The following SEC23B variants were observed in gnomAD, a reference collection of about 807,000 sequenced individuals.
SEC23B encodes SEC23 homolog B, COPII component.
Under a neutral mutation model 104.3 loss-of-function variants are expected in SEC23B, and 77 were observed. The observed-to-expected ratio is 0.74, with a 90% CI of 0.61 to 0.89. The LOEUF is 0.89. Among genes scored for constraint, SEC23B ranks in the 40% least tolerant of loss-of-function variants. SEC23B has a pLI of 0.00. For synonymous variants in SEC23B, 338 were observed against 332.5 expected, an observed-to-expected ratio of 1.02 and a Z score of -0.18; for missense variants, 885 against 949.4, an observed-to-expected ratio of 0.93 and a Z score of 0.89.
intron 17 of SEC23B, 92 bp downstream of exon 17, chr20:18,551,267 G>C: frequency 1.4e-6 from 1 of 718,116 alleles, no homozygotes; most frequent in Non-Finnish European, 2.4e-6. Context: ...GAGAATTATT[G>C]TCCTTAACTA....
chr20:18,546,545 G>GAAGT (rs2060334145), intron 15 of SEC23B, among the ~76,000 whole-genome samples: 1 of 152,244 alleles, frequency 6.6e-6, no homozygotes, highest in Non-Finnish European at 1.5e-5. Context: ...AGGAGCAGGA[G>GAAGT]AAGTAGATGA....
At chr20:18,530,223 ATTTAT>A (rs1221007589) in intron 9 of SEC23B, among the ~76,000 whole-genome samples, 1 of 151,296 alleles carries the variant, frequency 6.6e-6, no homozygotes, top group African/African-American at 2.4e-5. Flanking sequence ...TATTTTTTTA[ATTTAT>A]TTTATTATTT....
In SEC23B at chr20:18,554,826, C is replaced by CAA. The variant is rs34982139; in HGVS notation, c.2149-267_2149-266dup. ...GGGGCTACAGAGTGAGACTCCGTCT[C>CAA]AAAAAAAAAAAAAAAATGAGTGGTC... On this transcript the variant is annotated intron_variant, in intron 18 of 19. Coordinates refer to ENST00000650089, the MANE Select transcript of SEC23B (RefSeq NM_006363.6). Among the ~76,000 whole-genome samples, 81,744 of 119,732 alleles carry CAA rather than the reference C, an allele frequency of 0.68. 27,785 individuals carry two copies. Among genetic ancestry groups the CAA allele is most frequent in the Non-Finnish European group, 0.78 (47,330 of 60,376 alleles). 78.5% of individuals were successfully genotyped at this position (119,732 alleles called of 152,430 possible).
chr20:18,526,072 T>C (rs1373532893), intron 7 of SEC23B, 140 bp downstream of exon 7: 2 of 1,076,422 alleles, frequency 1.9e-6, no homozygotes, highest in African/African-American at 1.5e-5. Context: ...GAGGCATCAT[T>C]ATCATTCACG....
chr20:18,555,278 C>A, intron 19 of SEC23B, 105 bp downstream of exon 19: 1 of 931,302 alleles, frequency 1.1e-6, no homozygotes, highest in Non-Finnish European at 1.7e-6. Flanking sequence ...GACAGAATAA[C>A]TGCGTAAGTT....
chr20:18,554,265 C>T lies in SEC23B; in HGVS notation c.2023C>T (p.Gln675Ter). Reference sequence around the variant, plus strand: ...AGCCCAGTGGCGTAAAGCTGGCTACCAGGACATGCCCGAGTATGAAAACTT... The same window carrying T: ...AGCCCAGTGGCGTAAAGCTGGCTACTAGGACATGCCCGAGTATGAAAACTT... ...TIAQWRKAGY[Q>*]DMPEYENFKH... Residue 675 changes from glutamine to a stop codon, truncating the protein, a stop_gained, in exon 18 of 20, where the codon CAG becomes TAG. Coordinates refer to ENST00000650089, the MANE Select transcript of SEC23B (RefSeq NM_006363.6). LOFTEE classifies it high-confidence loss of function. The T allele has an allele frequency of 1.2e-6, 2 of 1,614,152 alleles. No individual in the cohort carries two copies. Among genetic ancestry groups the T allele is most frequent in the Non-Finnish European group, 1.7e-6 (2 of 1,180,044 alleles).
In SEC23B at chr20:18,526,454, G is replaced by A. The variant is rs763130110; in HGVS notation, c.916G>A (p.Asp306Asn). Reference protein sequence around the residue: ...PTQGPGMVVGDELKIPIRSWH... With the variant: ...PTQGPGMVVGNELKIPIRSWH... ...CCAAGGGCCTGGCATGGTGGTTGGAGATGAATTAAAGATTCCTATTCGTTC... is the reference window on the plus strand; with the variant it reads ...CCAAGGGCCTGGCATGGTGGTTGGAAATGAATTAAAGATTCCTATTCGTTC... Residue 306 changes from aspartate to asparagine, a missense_variant, in exon 8 of 20, where the codon GAT becomes AAT. Asp to Asn is a conservative substitution (Grantham distance 23). Transcript: ENST00000650089. The A allele has an allele frequency of 2.2e-5, 36 of 1,614,072 alleles. No homozygotes were observed. The highest frequency in any genetic ancestry group is 2.9e-5 in the Non-Finnish European group (34 of 1,180,016).
intron 3 of SEC23B, among the ~76,000 whole-genome samples, chr20:18,514,943 G>C (rs778359277): frequency 3.9e-5 from 6 of 152,108 alleles, no homozygotes; most frequent in Non-Finnish European, 8.8e-5. Context: ...GCTTTATTTA[G>C]ACTATTAACT....
At position 18,538,251 on chromosome 20, in the gene SEC23B, T is replaced by TTC. The variant is rs1243674183; in HGVS notation, c.1404+2510_1404+2511insCT. Among the ~76,000 whole-genome samples the TTC allele has an allele frequency of 2.6e-3, 47 of 17,956 alleles. No individual in the cohort carries two copies. The East Asian group carries it at 0.027, about 10-fold the overall frequency. The allele number at this position is 17,956 out of a possible 152,430, so 11.8% of individuals were successfully genotyped here. A position where few individuals can be genotyped will look rare whatever the true frequency, so the allele number is the denominator to read the frequency against. On this transcript the variant is annotated intron_variant, in intron 12 of 19. Transcript: ENST00000650089. ...TACCACGCCCCACCTGGGAATTTCT[T>TTC]TTTTTTTTTTTTTTTTGAGACGGGG... is the stretch of plus-strand genomic sequence containing the variant.
Position 18,526,168 on chromosome 20 carries a change from C to T in SEC23B, c.835-205C>T, listed in dbSNP as rs139235824. On this transcript the variant is annotated intron_variant, in intron 7 of 19. Coordinates refer to ENST00000650089, the MANE Select transcript of SEC23B (RefSeq NM_006363.6). The stretch of plus-strand genomic sequence containing the variant: ...AGAGCAATAGGGAGCACTCAAACAG[C>T]GAATTAATAAAACTGTGCAAACCCA... Among the ~76,000 whole-genome samples the T allele has an allele frequency of 6.6e-5, 10 of 152,246 alleles. No homozygotes were observed. The East Asian group carries it at 1.5e-3, about 23-fold the overall frequency.
intron 17 of SEC23B, among the ~76,000 whole-genome samples, chr20:18,553,023 G>A (rs993890824): frequency 2.6e-5 from 4 of 152,292 alleles, no homozygotes; most frequent in East Asian, 1.9e-4. Context: ...CACAGATACC[G>A]AGGGCCGACT....
chr20:18,508,716 CTTTT>C (rs398035473), intron 1 of SEC23B, among the ~76,000 whole-genome samples: 25 of 97,480 alleles, frequency 2.6e-4, no homozygotes, highest in Middle Eastern at 8.2e-3. Flanking sequence ...GCAGTAGCTT[CTTTT>C]TTTTTTTTTT....
intron 15 of SEC23B, 58 bp downstream of exon 15, chr20:18,546,091 C>G (rs1310023815): frequency 9.9e-7 from 1 of 1,007,790 alleles, no homozygotes; most frequent in Non-Finnish European, 1.6e-6. Flanking sequence ...TAGAAATTAA[C>G]TTTATTCTTA....
intron 4 of SEC23B, among the ~76,000 whole-genome samples, chr20:18,521,814 G>A (rs560209111): frequency 2.0e-5 from 3 of 152,106 alleles, no homozygotes; most frequent in South Asian, 2.1e-4. Context: ...GGGACGAGTC[G>A]CATTGGGAGC....
chr20:18,521,500 G>A (rs996242392), intron 4 of SEC23B, among the ~76,000 whole-genome samples: 3 of 152,160 alleles, frequency 2.0e-5, no homozygotes, highest in African/African-American at 7.2e-5. Context: ...GAAAAAAGGA[G>A]CATTAAACTT....
chr20:18,559,189 C>T (rs1430690757), intron 19 of SEC23B, among the ~76,000 whole-genome samples: 1 of 151,862 alleles, frequency 6.6e-6, no homozygotes, highest in Non-Finnish European at 1.5e-5. Flanking sequence ...TTTCTTGTTA[C>T]TGCTTAGTGG....
chr20:18,531,686 AT>A (rs1370047842), intron 10 of SEC23B, among the ~76,000 whole-genome samples: 21 of 144,028 alleles, frequency 1.5e-4, no homozygotes, highest in Non-Finnish European at 2.0e-4. Context: ...GCATTTTGAG[AT>A]TTTTTTTTTC....
intron 17 of SEC23B, among the ~76,000 whole-genome samples, chr20:18,553,482 C>T (rs1198618558): frequency 2.0e-5 from 3 of 152,200 alleles, no homozygotes; most frequent in Non-Finnish European, 4.4e-5. Flanking sequence ...GAAAGCACTT[C>T]ACTTTATTTA....
At chr20:18,531,998 C>CA (rs1434340764) in intron 10 of SEC23B, among the ~76,000 whole-genome samples, 2 of 152,172 alleles carry the variant, frequency 1.3e-5, no homozygotes, top group African/African-American at 2.4e-5. Flanking sequence ...TTTGAGGCTG[C>CA]AGTGAGCTAT....
Sources: allele counts gnomAD v4.1 joint callset (sites outside exome capture counted in the v4.1 genomes callset), GRCh38; gene constraint gnomAD v4.1.1; transcripts MANE v1.5; gene names NCBI Gene and HGNC (gene_info 2026-07-23, HGNC 2026-07-21).